Variants in DGAT2 observed in about 807,000 individuals in gnomAD.
DGAT2 encodes the protein diacylglycerol O-acyltransferase 2.
In DGAT2, 33 loss-of-function variants were observed where a neutral mutation model predicts 48.4. The observed-to-expected ratio is 0.68, with a 90% CI of 0.52 to 0.91. The LOEUF (loss-of-function observed/expected upper bound fraction) is 0.91. Among genes scored for constraint, DGAT2 ranks in the 40% least tolerant of loss-of-function variants. DGAT2 has a pLI of 0.00. For synonymous variants in DGAT2, 191 were observed against 194.1 expected (o/e 0.98, Z 0.13); for missense variants, 446 against 493.7 (o/e 0.90, Z 0.92).
Position 75,796,435 on chromosome 11 carries a change from A to G in DGAT2, c.537A>G (p.Thr179=), listed in dbSNP as rs778820867. ...TCTGCAACTTCAGCACAGAGGCCAC[A>G]GAAGTGAGCAAGAAGTTCCCAGGCA... is the stretch of plus-strand genomic sequence containing the variant. ...GAFCNFSTEA[T]EVSKKFPGIR... Residue 179 remains threonine, a synonymous_variant, in exon 5 of 8, where the codon ACA becomes ACG. Transcript: ENST00000228027. 1.2e-6 allele frequency: 2 copies of G among 1,614,066 alleles called. No individual in the cohort carries two copies. The highest frequency in any genetic ancestry group is 8.5e-7 in the Non-Finnish European group (1 of 1,180,042).
chr11:75,770,607 A>C (rs1469212042), intron 1 of DGAT2, among the ~76,000 whole-genome samples: 6 of 152,070 alleles, frequency 3.9e-5, no homozygotes, highest in Non-Finnish European at 5.9e-5. Flanking sequence ...TGCTTCCTGG[A>C]GACCCCATTC....
intron 1 of DGAT2, among the ~76,000 whole-genome samples, chr11:75,775,134 G>A (rs1944792439): frequency 6.6e-6 from 1 of 152,226 alleles, no homozygotes; most frequent in Admixed American, 6.5e-5. Flanking sequence ...ATTCATTTGT[G>A]GATTCTAGCA....
At chr11:75,772,039 C>T (rs1944762913) in intron 1 of DGAT2, among the ~76,000 whole-genome samples, 1 of 152,178 alleles carries the variant, frequency 6.6e-6, no homozygotes, top group Admixed American at 6.5e-5. Context: ...AGATCCATCT[C>T]CCAGTCTGTG....
chr11:75,772,418 G>C (rs1048357227), intron 1 of DGAT2, among the ~76,000 whole-genome samples: 4 of 152,102 alleles, frequency 2.6e-5, no homozygotes, highest in African/African-American at 7.2e-5. Flanking sequence ...CAGACGCATG[G>C]TGGTCTTCCT....
At chr11:75,775,828 T>C (rs537644769) in intron 1 of DGAT2, 3 of 152,350 alleles carry the variant, frequency 2.0e-5, no homozygotes, top group East Asian at 1.9e-4. Context: ...CCTGTGGGGG[T>C]TGGGGCCTCC....
intron 1 of DGAT2, among the ~76,000 whole-genome samples, chr11:75,772,334 A>G (rs148911352): frequency 3.1e-4 from 47 of 152,234 alleles, no homozygotes; most frequent in African/African-American, 1.1e-3. Flanking sequence ...CTCCTGGCCT[A>G]TGAAGTAAGC....
intron 1 of DGAT2, among the ~76,000 whole-genome samples, chr11:75,770,159 A>G (rs1269406715): frequency 6.6e-6 from 1 of 152,206 alleles, no homozygotes; most frequent in African/African-American, 2.4e-5. Context: ...CATGCTGTAG[A>G]TATAGTTATG....
intron 4 of DGAT2, among the ~76,000 whole-genome samples, chr11:75,791,669 A>T (rs1409899631): frequency 6.6e-6 from 1 of 152,174 alleles, no homozygotes; most frequent in East Asian, 1.9e-4. Flanking sequence ...TCTGGGAGAG[A>T]TTCAATCCCT....
chr11:75,789,171 A>G, intron 2 of DGAT2, among the ~76,000 whole-genome samples: 1 of 150,864 alleles, frequency 6.6e-6, no homozygotes, highest in South Asian at 2.1e-4. Flanking sequence ...TACTTTTGAG[A>G]CAGAGATTCC....
chr11:75,797,592 C>G (rs557757479), intron 6 of DGAT2, among the ~76,000 whole-genome samples: 2 of 152,340 alleles, frequency 1.3e-5, no homozygotes, highest in African/African-American at 4.8e-5. Context: ...ATATGCAGGA[C>G]TGGACCACCT....
rs1443048329 is a variant in DGAT2 at position 75,797,322 on chromosome 11, C to T, written c.799C>T (p.Leu267=). 1 of 1,509,092 alleles carries T rather than the reference C, an allele frequency of 6.6e-7. No individual in the cohort carries two copies. Among genetic ancestry groups the T allele is most frequent in the Non-Finnish European group, 8.9e-7 (1 of 1,125,222 alleles). 93.5% of individuals were successfully genotyped at this position (1,509,092 alleles called of 1,614,324 possible). ...CCGCAAGGGCTTTGTGAAACTGGCC[C>T]TGCGTCATGGGTGAGTGCCTCCCTA... ...RNRKGFVKLA[L]RHGADLVPIY... Residue 267 remains leucine (L), a synonymous_variant, in exon 6 of 8, where the codon CTG becomes TTG. Coordinates refer to ENST00000228027, the MANE Select transcript of DGAT2 (RefSeq NM_032564.5).
At chr11:75,791,131 C>T (rs1203763704) in intron 4 of DGAT2, among the ~76,000 whole-genome samples, 2 of 152,238 alleles carry the variant, frequency 1.3e-5, no homozygotes, top group Non-Finnish European at 2.9e-5. Flanking sequence ...CACACCCCAG[C>T]TCCAGCACAC....
intron 1 of DGAT2, chr11:75,773,708 C>G (rs189267165): frequency 2.0e-5 from 3 of 152,390 alleles, no homozygotes; most frequent in East Asian, 3.9e-4. Flanking sequence ...GATTGAGCAC[C>G]TTCTGTGTGT....
At chr11:75,796,816 T>C in intron 5 of DGAT2, 1 of 504,286 alleles carries the variant, frequency 2.0e-6, no homozygotes, top group Non-Finnish European at 3.5e-6. Flanking sequence ...CTGATTGTTG[T>C]CCATGGCACT....
At chr11:75,785,857 A>T (rs1366259050) in intron 2 of DGAT2, among the ~76,000 whole-genome samples, 1 of 152,190 alleles carries the variant, frequency 6.6e-6, no homozygotes, top group East Asian at 1.9e-4. Flanking sequence ...AGAAAATGCA[A>T]ATTCACAAAG....
At chr11:75,796,269 G>C (rs1447681762) in intron 4 of DGAT2, 59 bp from the exon 5 acceptor site, 1 of 1,485,256 alleles carries the variant, frequency 6.7e-7, no homozygotes, top group African/African-American at 1.4e-5. Flanking sequence ...CTACCCTCCG[G>C]GTATGCCCCG....
In DGAT2 at chr11:75,797,177, G is replaced by T. The variant is rs1369273000; in HGVS notation, c.654G>T (p.Arg218=). 1 of 1,507,242 alleles carries T rather than the reference G, an allele frequency of 6.6e-7. No individual in the cohort carries two copies. Among genetic ancestry groups the T allele is most frequent in the African/African-American group, 1.4e-5 (1 of 70,718 alleles). The allele number at this position is 1,507,242 out of a possible 1,614,324, so 93.4% of individuals were successfully genotyped here. Residue 218 remains arginine, a synonymous_variant, in exon 6 of 8, where the codon CGG becomes CGT. Coordinates refer to ENST00000228027, the MANE Select transcript of DGAT2 (RefSeq NM_032564.5). The part of the protein sequence containing the change: ...LMSGGICPVS[R]DTIDYLLSKN... ...CCTCAGGTATCTGCCCTGTCAGCCG[G>T]GACACCATAGACTATTTGCTTTCAA...
At chr11:75,771,051 C>G (rs1009093965) in intron 1 of DGAT2, among the ~76,000 whole-genome samples, 2 of 152,116 alleles carry the variant, frequency 1.3e-5, no homozygotes, top group African/African-American at 4.8e-5. Flanking sequence ...CTGTTGTGAG[C>G]TGGTGAACAG....
At chr11:75,797,467 G>A in intron 6 of DGAT2, 135 bp downstream of exon 6, 3 of 1,117,542 alleles carry the variant, frequency 2.7e-6, no homozygotes, top group Non-Finnish European at 3.5e-6. Context: ...TTAGGGAGGG[G>A]ATGTTGGAGC....
Sources: allele counts gnomAD v4.1 joint callset (sites outside exome capture counted in the v4.1 genomes callset), GRCh38; gene constraint gnomAD v4.1.1; transcripts MANE v1.5; gene names NCBI Gene and HGNC (gene_info 2026-07-23, HGNC 2026-07-21).